Variants in MTA1 observed in about 807,000 individuals in gnomAD.
The protein encoded by MTA1 is metastasis associated 1.
Under a neutral mutation model 97.0 loss-of-function variants are expected in MTA1, and 15 were observed. The observed-to-expected ratio is 0.15, with a 90% CI of 0.10 to 0.24. The LOEUF is 0.24. Among genes scored for constraint, MTA1 ranks in the 10% least tolerant of loss-of-function variants. MTA1 has a pLI of 1.00. For missense variants in MTA1, 709 were observed against 1,015.1 expected, an observed-to-expected ratio of 0.70 and a Z score of 4.10; for synonymous variants, 435 against 417.5, an observed-to-expected ratio of 1.04 and a Z score of -0.51.
In MTA1 at chr14:105,424,506, T is replaced by TG. The variant is rs1158517130; in HGVS notation, c.28+4443_28+4444insG. 1.3e-5 allele frequency among the ~76,000 whole-genome samples: 2 copies of TG among 150,206 alleles called. No homozygotes were observed. Among genetic ancestry groups the TG allele is most frequent in the African/African-American group, 4.9e-5 (2 of 40,574 alleles). ...GTGAGCCACTGCGTCTGGCTTTTTT[T>TG]TTTGTTTTTGAGACAGTCTCACTCT... On this transcript the variant is annotated intron_variant, in intron 1 of 20. Coordinates refer to ENST00000331320, the MANE Select transcript of MTA1 (RefSeq NM_004689.4). This position sits in a 1 kb window ranked among gnomAD's most constrained non-coding sequence, Gnocchi z 4.0.
At chr14:105,430,010 G>T (rs1283907394) in intron 1 of MTA1, among the ~76,000 whole-genome samples, 1 of 151,888 alleles carries the variant, frequency 6.6e-6, no homozygotes, top group Non-Finnish European at 1.5e-5. Context: ...ACCTGCTTTG[G>T]CCTCCCAAAG....
At chr14:105,469,108 T>G (rs1555433641) in intron 18 of MTA1, 1 of 503,858 alleles carries the variant, frequency 2.0e-6, no homozygotes, top group South Asian at 1.5e-5. Context: ...GAGGGGCTTG[T>G]GCCGCTGCTG....
Position 105,463,407 on chromosome 14 carries a change from T to A in MTA1, c.1018-86T>A, listed in dbSNP as rs1555431517. 2 of 1,529,164 alleles carry A rather than the reference T, an allele frequency of 1.3e-6. No individual in the cohort carries two copies. The highest frequency in any genetic ancestry group is 3.4e-5 in the Admixed American group (2 of 59,526). The allele number at this position is 1,529,164 out of a possible 1,614,324, so 94.7% of individuals were successfully genotyped here. ...CCCGGCTGTCCTCTCCGTGGTGCTC[T>A]CCTCTCCGTAGCCTCCAGCCTGTCT... On this transcript the variant is annotated intron_variant, in intron 11 of 20. Transcript: ENST00000331320. This position sits in a 1 kb window ranked among gnomAD's most constrained non-coding sequence, Gnocchi z 5.9.
Position 105,420,094 on chromosome 14 carries a change from CGACCCGCCCGCAG to C in MTA1, c.28+32_28+44del. 1 of 1,029,680 alleles carries C rather than the reference CGACCCGCCCGCAG, an allele frequency of 9.7e-7. No homozygotes were observed. The highest frequency in any genetic ancestry group is 1.2e-6 in the Non-Finnish European group (1 of 854,020). The allele number at this position is 1,029,680 out of a possible 1,614,324, so 63.8% of individuals were successfully genotyped here. A position where few individuals can be genotyped will look rare whatever the true frequency, so the allele number is the denominator to read the frequency against. On this transcript the variant is annotated intron_variant, in intron 1 of 20. Coordinates refer to ENST00000331320, the MANE Select transcript of MTA1 (RefSeq NM_004689.4). This position sits in a 1 kb window ranked among gnomAD's most constrained non-coding sequence, Gnocchi z 5.3. Reference sequence around the variant, plus strand: ...GCCGCACCGCCTTTATGCCCGGCCCCGACCCGCCCGCAGCCCCCACCCGCCGCCGCTGCCGCCT... The same window carrying C: ...GCCGCACCGCCTTTATGCCCGGCCCCCCCCCACCCGCCGCCGCTGCCGCCT...
chr14:105,428,698 A>T (rs1451205800), intron 1 of MTA1, among the ~76,000 whole-genome samples: 3 of 145,388 alleles, frequency 2.1e-5, no homozygotes, highest in African/African-American at 7.7e-5. Context: ...ATTTCTACAG[A>T]AACCAAAAAG....
Position 105,452,878 on chromosome 14 carries a change from C to G in MTA1, c.433-1315C>G, listed in dbSNP as rs587653328. ...AGAGTAGCTTTCAGAATAGGAGAGA[C>G]AGGGAAAGCGGGTAAGGGCTGGAAA... is the stretch of plus-strand genomic sequence containing the variant. On this transcript the variant is annotated intron_variant, in intron 6 of 20. Coordinates refer to ENST00000331320, the MANE Select transcript of MTA1 (RefSeq NM_004689.4). 4.6e-5 allele frequency among the ~76,000 whole-genome samples: 7 copies of G among 152,304 alleles called. No homozygotes were observed. The South Asian group carries it at 1.2e-3, about 27-fold the overall frequency.
At chr14:105,462,050 C>T (rs1020461633) in intron 10 of MTA1, among the ~76,000 whole-genome samples, 1 of 152,254 alleles carries the variant, frequency 6.6e-6, no homozygotes, top group Non-Finnish European at 1.5e-5. Context: ...AGTGCTGAGC[C>T]CACGTGATGC....
chr14:105,439,635 G>T (rs782205326), intron 2 of MTA1, among the ~76,000 whole-genome samples: 1 of 152,162 alleles, frequency 6.6e-6, no homozygotes, highest in African/African-American at 2.4e-5. Context: ...GGGAGGGCAG[G>T]TTGTCCCCAC....
intron 6 of MTA1, among the ~76,000 whole-genome samples, chr14:105,453,033 G>C (rs970546482): frequency 6.6e-6 from 1 of 152,268 alleles, no homozygotes; most frequent in African/African-American, 2.4e-5. Context: ...GGTCAGGCCC[G>C]GACAGGCCTG....
chr14:105,452,888 G>C (rs1248491021), intron 6 of MTA1, among the ~76,000 whole-genome samples: 2 of 152,240 alleles, frequency 1.3e-5, no homozygotes, highest in Non-Finnish European at 2.9e-5. Context: ...CAGGGAAAGC[G>C]GGTAAGGGCT....
intron 4 of MTA1, 121 bp downstream of exon 4, chr14:105,449,530 C>A: frequency 8.9e-7 from 1 of 1,118,424 alleles, no homozygotes; most frequent in Non-Finnish European, 1.3e-6. Flanking sequence ...CTGCGCCCGG[C>A]CGGCCCGGCT....
intron 15 of MTA1, 110 bp from the exon 16 acceptor site, chr14:105,464,984 C>T: frequency 7.7e-7 from 1 of 1,293,620 alleles, no homozygotes; most frequent in Non-Finnish European, 1.0e-6. Flanking sequence ...CCACGTCCTC[C>T]TCGGTGCTGA....
At chr14:105,425,968 C>T (rs983778757) in intron 1 of MTA1, among the ~76,000 whole-genome samples, 3 of 152,050 alleles carry the variant, frequency 2.0e-5, no homozygotes, top group Non-Finnish European at 4.4e-5. Flanking sequence ...TCCTCAGAGC[C>T]GCCCGGCAGC....
intron 2 of MTA1, among the ~76,000 whole-genome samples, chr14:105,444,642 T>G (rs1488763458): frequency 6.6e-6 from 1 of 151,576 alleles, no homozygotes; most frequent in East Asian, 2.0e-4. Context: ...AATACAAAAA[T>G]TAGCTGGTCG....
intron 1 of MTA1, among the ~76,000 whole-genome samples, chr14:105,428,114 CTG>C (rs1162086353): frequency 2.0e-5 from 3 of 151,946 alleles, no homozygotes; most frequent in Non-Finnish European, 4.4e-5. Flanking sequence ...TCATGCACAG[CTG>C]TGTGGTCGCT....
Position 105,465,076 on chromosome 14 carries a change from C to T in MTA1, c.1535-18C>T. ...CCCTGGGGGTGCCCCACCCCTCACA[C>T]CGTGTGGTACCCCGCAGGCACGGCG... On this transcript the variant is annotated intron_variant, in intron 15 of 20. Coordinates refer to ENST00000331320, the MANE Select transcript of MTA1 (RefSeq NM_004689.4). 2.0e-6 allele frequency: 3 copies of T among 1,496,186 alleles called. No individual in the cohort carries two copies. The highest frequency in any genetic ancestry group is 1.8e-6 in the Non-Finnish European group (2 of 1,117,162). The allele number at this position is 1,496,186 out of a possible 1,614,324, so 92.7% of individuals were successfully genotyped here. A position where few individuals can be genotyped will look rare whatever the true frequency, so the allele number is the denominator to read the frequency against.
At chr14:105,438,820 G>T (rs1340703021) in intron 2 of MTA1, 81 bp downstream of exon 2, 3 of 1,467,026 alleles carry the variant, frequency 2.0e-6, no homozygotes, top group Admixed American at 3.4e-5. Flanking sequence ...TGGCCAGTGT[G>T]GGTGGCCCCC....
chr14:105,435,223 A>G (rs1555424160), intron 1 of MTA1, among the ~76,000 whole-genome samples: 12 of 152,208 alleles, frequency 7.9e-5, no homozygotes, highest in Admixed American at 7.9e-4. Flanking sequence ...GGAGATGGTC[A>G]TAGGGCTTTT....
intron 10 of MTA1, among the ~76,000 whole-genome samples, chr14:105,462,863 C>CGTCTCAAAAGA (rs199549843): frequency 0.056 from 8,478 of 152,150 alleles, 313 homozygotes; most frequent in Middle Eastern, 0.11. Flanking sequence ...AGCGAGACTC[C>CGTCTCAAAAGA]GTCTCAAAAA....
Sources: allele counts gnomAD v4.1 joint callset (sites outside exome capture counted in the v4.1 genomes callset), GRCh38; gene constraint gnomAD v4.1.1; non-coding constraint Gnocchi (gnomAD v3.1); transcripts MANE v1.5; gene names NCBI Gene and HGNC (gene_info 2026-07-23, HGNC 2026-07-21).